DENND3: variants seen among roughly 807,000 people sequenced by gnomAD.
The protein encoded by DENND3 is DENN domain containing 3.
DENND3 carries 88 observed loss-of-function variants against 135.1 expected under a neutral mutation model. That is an observed-to-expected ratio of 0.65 (90% confidence interval 0.55 to 0.78). The LOEUF (loss-of-function observed/expected upper bound fraction) is 0.78, where lower values mean the gene tolerates loss of function less well. DENND3 is among the 30% of genes least tolerant of loss of function. The pLI is 0.00. For synonymous variants in DENND3, 693 were observed against 712.3 expected, an observed-to-expected ratio of 0.97 and a Z score of 0.43; for missense variants, 1,392 against 1,688.4, an observed-to-expected ratio of 0.82 and a Z score of 3.08.
At chr8:141,132,017 G>A (rs542346156) in intron 1 of DENND3, among the ~76,000 whole-genome samples, 25 of 152,214 alleles carry the variant, frequency 1.6e-4, no homozygotes, top group East Asian at 3.9e-4. Context: ...GTGTGTCACC[G>A]CTCTGTTCAG....
In DENND3 at chr8:141,150,914, C is replaced by T. The variant is rs758403863; in HGVS notation, c.816C>T (p.His272=). 1.9e-6 allele frequency: 3 copies of T among 1,609,208 alleles called. No homozygotes were observed. Among genetic ancestry groups the T allele is most frequent in the Admixed American group, 3.4e-5 (2 of 58,226 alleles). The part of the protein sequence containing the change: ...PESPILDLDL[H]LPLLCFRPEK... ...GCCCCATCCTGGACCTGGACCTTCACCTGCCCTTGCTGTGCTTCAGGCCTG... is the reference window on the plus strand; with the variant it reads ...GCCCCATCCTGGACCTGGACCTTCATCTGCCCTTGCTGTGCTTCAGGCCTG... Residue 272 remains histidine, a synonymous_variant, in exon 6 of 23, where the codon CAC becomes CAT. Transcript: ENST00000519811.
intron 13 of DENND3, chr8:141,173,875 A>T (rs1278077791): frequency 6.6e-6 from 1 of 152,178 alleles, no homozygotes; most frequent in East Asian, 1.9e-4. Context: ...CTTTTGAATG[A>T]GCCACCTCAT....
At position 141,165,266 on chromosome 8, in the gene DENND3, C is replaced by G; in HGVS notation, c.1530C>G (p.Leu510=). 6.2e-7 allele frequency: 1 copy of G among 1,614,092 alleles called. No homozygotes were observed. Among genetic ancestry groups the G allele is most frequent in the Non-Finnish European group, 8.5e-7 (1 of 1,179,966 alleles). The change falls in exon 11 of 23, where the codon CTC becomes CTG. Residue 510 remains leucine, a synonymous_variant. Transcript: ENST00000519811. The stretch of plus-strand genomic sequence containing the variant: ...TGGACGCCTTTGCTCAGATGGACCT[C>G]GACACCCAGTCGGAGGAGGACAGGT... ...RRMDAFAQMD[L]DTQSEEDRIN...
chr8:141,168,045 C>T lies in DENND3; in HGVS notation c.1795C>T (p.Pro599Ser), dbSNP rs763038519. The change falls in exon 13 of 23, where the codon CCC (proline) becomes TCC (serine). Residue 599 changes from proline to serine, a missense_variant. Pro to Ser is a moderately conservative substitution (Grantham distance 74). Coordinates refer to ENST00000519811, the MANE Select transcript of DENND3 (RefSeq NM_001352890.3). The surrounding 1 kb of genome is among the most constrained non-coding windows in gnomAD (Gnocchi z 6.2). The stretch of plus-strand genomic sequence containing the variant: ...GAAGTCCCCGTATACATTCAAGATT[C>T]CCGAAATCCACTTTCCGCTGGAGAG... ...TPKSPYTFKIPEIHFPLESKC... is the reference protein window; with the variant it reads ...TPKSPYTFKISEIHFPLESKC... The T allele has an allele frequency of 1.2e-6, 2 of 1,613,788 alleles. No individual in the cohort carries two copies.
rs1054092230 is a variant in DENND3, at chr8:141,176,583, C to T, written c.2536-8C>T. On this transcript the variant is annotated splice_region_variant and splice_polypyrimidine_tract_variant and intron_variant, in intron 14 of 22. Transcript: ENST00000519811. ...GACATTCCTAACTTTTCTTTTCTGCCTCTGCAGGAGGTCAGGAGAACCACT... is the reference window on the plus strand; with the variant it reads ...GACATTCCTAACTTTTCTTTTCTGCTTCTGCAGGAGGTCAGGAGAACCACT... 3.7e-6 allele frequency: 6 copies of T among 1,614,104 alleles called. No individual in the cohort carries two copies. The African/African-American group carries it at 5.3e-5, about 14-fold the overall frequency.
rs1822044374 is a variant in DENND3, at chr8:141,174,354, C to T, written c.2276-846C>T. Among the ~76,000 whole-genome samples, 1 of 152,114 alleles carries T rather than the reference C, an allele frequency of 6.6e-6. No individual in the cohort carries two copies. Among genetic ancestry groups the T allele is most frequent in the South Asian group, 2.1e-4 (1 of 4,822 alleles). On this transcript the variant is annotated intron_variant, in intron 13 of 22. Coordinates refer to ENST00000519811, the MANE Select transcript of DENND3 (RefSeq NM_001352890.3). This position sits in a 1 kb window ranked among gnomAD's most constrained non-coding sequence, Gnocchi z 4.6. ...GCAGGAGCCACTGAGGAGGGTTTTC[C>T]TGTGCAGAACTGAGGGGGACTTGCT...
rs575721834 is a variant in DENND3 at position 141,174,656 on chromosome 8, A to C, written c.2276-544A>C. ...GCTTCTCATCAGCGGAGGTGATTTCAGTTGCAGACAACAAAAGTCAATGAT... is the reference window on the plus strand; with the variant it reads ...GCTTCTCATCAGCGGAGGTGATTTCCGTTGCAGACAACAAAAGTCAATGAT... On this transcript the variant is annotated intron_variant, in intron 13 of 22. Transcript: ENST00000519811. This position sits in a 1 kb window ranked among gnomAD's most constrained non-coding sequence, Gnocchi z 4.6. 2.0e-5 allele frequency among the ~76,000 whole-genome samples: 3 copies of C among 152,252 alleles called. No homozygotes were observed. Among genetic ancestry groups the C allele is most frequent in the African/African-American group, 7.2e-5 (3 of 41,554 alleles).
chr8:141,158,438 A>T (rs1017979984), intron 8 of DENND3, among the ~76,000 whole-genome samples: 1 of 152,212 alleles, frequency 6.6e-6, no homozygotes, highest in Non-Finnish European at 1.5e-5. Context: ...GAATAGAAAC[A>T]CACACGATAC....
At chr8:141,142,224 G>T in intron 4 of DENND3, 1 of 377,042 alleles carries the variant, frequency 2.7e-6, no homozygotes, top group Non-Finnish European at 5.3e-6. Flanking sequence ...AGTCCCAGTG[G>T]GCACTTGTGC....
intron 20 of DENND3, 197 bp downstream of exon 20, chr8:141,190,614 C>G (rs1824592603): frequency 6.7e-6 from 5 of 744,964 alleles, no homozygotes; most frequent in Non-Finnish European, 1.0e-5. Flanking sequence ...CCAGGCCTCC[C>G]TCTGCCTTTC....
intron 16 of DENND3, among the ~76,000 whole-genome samples, chr8:141,179,964 G>C (rs1032927880): frequency 2.6e-5 from 4 of 152,282 alleles, no homozygotes; most frequent in African/African-American, 9.6e-5. Flanking sequence ...GAACAGGCTG[G>C]TCCCAGGGGC....
chr8:141,187,819 C>CCAAA (rs758242350), intron 18 of DENND3, among the ~76,000 whole-genome samples: 1 of 152,066 alleles, frequency 6.6e-6, no homozygotes, highest in East Asian at 1.9e-4. Flanking sequence ...ATGCTTTAAA[C>CCAAA]CAAACAACAA....
intron 7 of DENND3, 123 bp downstream of exon 7, chr8:141,151,960 C>T: frequency 8.3e-7 from 1 of 1,211,566 alleles, no homozygotes; most frequent in Non-Finnish European, 1.2e-6. Flanking sequence ...GCAGAGAGGT[C>T]ACGGGTACCG....
intron 15 of DENND3, chr8:141,177,192 A>G (rs1012132848): frequency 6.0e-6 from 1 of 165,558 alleles, no homozygotes; most frequent in Non-Finnish European, 1.3e-5. Flanking sequence ...CTTTCCTTCC[A>G]CAGGGTTGAG....
Position 141,163,448 on chromosome 8 carries a change from G to C in DENND3, c.1449+19G>C. ...TAAGCAGGTGAGAGCTGTGGGATTTGGGTGTGCCTGTGTGTGTTCAATCCA... is the reference window on the plus strand; with the variant it reads ...TAAGCAGGTGAGAGCTGTGGGATTTCGGTGTGCCTGTGTGTGTTCAATCCA... On this transcript the variant is annotated intron_variant, in intron 10 of 22. Transcript: ENST00000519811. The C allele has an allele frequency of 6.6e-7, 1 of 1,516,438 alleles. No homozygotes were observed. The highest frequency in any genetic ancestry group is 9.2e-7 in the Non-Finnish European group (1 of 1,092,578). The allele number at this position is 1,516,438 out of a possible 1,614,324, so 93.9% of individuals were successfully genotyped here.
intron 22 of DENND3, chr8:141,193,753 G>A: frequency 1.9e-6 from 1 of 526,848 alleles, no homozygotes. Context: ...ACCTCACACA[G>A]GTGGCTGTTG....
chr8:141,150,231 GA>G, intron 5 of DENND3: 1 of 1,023,120 alleles, frequency 9.8e-7, no homozygotes, highest in Non-Finnish European at 1.3e-6. Flanking sequence ...GGCAGGCTCA[GA>G]AGCCCTCCCT....
intron 9 of DENND3, among the ~76,000 whole-genome samples, chr8:141,161,139 G>T (rs148870055): frequency 1.3e-3 from 195 of 152,306 alleles, no homozygotes; most frequent in Middle Eastern, 3.4e-3. Flanking sequence ...CTAGGAAGAC[G>T]CAAATCTGAT....
chr8:141,158,203 C>G, intron 8 of DENND3: 1 of 1,289,700 alleles, frequency 7.8e-7, no homozygotes, highest in Middle Eastern at 2.1e-4. Context: ...CCAAGGGCAC[C>G]TGAGCAGCTG....
Sources: allele counts gnomAD v4.1 joint callset (sites outside exome capture counted in the v4.1 genomes callset), GRCh38; gene constraint gnomAD v4.1.1; non-coding constraint Gnocchi (gnomAD v3.1); transcripts MANE v1.5; gene names NCBI Gene and HGNC (gene_info 2026-07-23, HGNC 2026-07-21).